Variants in GSX2 observed in about 807,000 individuals in gnomAD.
The protein encoded by GSX2 is GS homeobox 2.
A neutral mutation model predicts 19.2 loss-of-function variants in GSX2; 16 were observed. The ratio of observed to expected loss-of-function variants is 0.84; its 90% CI spans 0.57 to 1.27. The LOEUF is 1.27. Ranked by LOEUF, GSX2 falls within the 50% of genes most tolerant of loss-of-function variation. The probability of loss-of-function intolerance (pLI) is 0.00; values close to 1 mark genes in which losing one functional copy is unlikely to be tolerated. For synonymous variants in GSX2, 217 were observed against 196.4 expected (o/e 1.10, Z -0.88); for missense variants, 448 against 428.4 (o/e 1.05, Z -0.40).
Position 54,100,169 on chromosome 4 carries a change from C to T in GSX2, c.-176C>T. 3.5e-6 allele frequency: 3 copies of T among 849,340 alleles called. No homozygotes were observed. The highest frequency in any genetic ancestry group is 5.3e-6 in the Non-Finnish European group (3 of 565,236). The allele number at this position is 849,340 out of a possible 1,614,324, so 52.6% of individuals were successfully genotyped here. A position where few individuals can be genotyped will look rare whatever the true frequency, so the allele number is the denominator to read the frequency against. On this transcript the variant is annotated 5_prime_UTR_variant, in exon 1 of 2. In the 5' UTR this introduces an upstream ATG that the reference lacks. Transcript: ENST00000326902. Reference sequence around the variant, plus strand: ...CCGAGCCGGGGCGCCGGGCGGGGGACGTGAGGACCAGCCCTCTCCGGGGAC... The same window carrying T: ...CCGAGCCGGGGCGCCGGGCGGGGGATGTGAGGACCAGCCCTCTCCGGGGAC...
At position 54,100,826 on chromosome 4, in the gene GSX2, C is replaced by T; in HGVS notation, c.482C>T (p.Ala161Val). The T allele has an allele frequency of 6.9e-7, 1 of 1,454,062 alleles. No homozygotes were observed. Among genetic ancestry groups the T allele is most frequent in the Non-Finnish European group, 9.0e-7 (1 of 1,113,970 alleles). 90.1% of individuals were successfully genotyped at this position (1,454,062 alleles called of 1,614,324 possible). ...AAAAAAAAAA[A>V]ALGHPQHHAP... is the part of the protein sequence containing the mutation. ...GCAGCAGCGGCGGCGGCGGCCGCGGCGGCCTTGGGGCACCCGCAGCACCAC... is the reference window on the plus strand; with the variant it reads ...GCAGCAGCGGCGGCGGCGGCCGCGGTGGCCTTGGGGCACCCGCAGCACCAC... The change falls in exon 1 of 2, where the codon GCG (alanine) becomes GTG (valine). Residue 161 changes from alanine (A) to valine (V), a missense_variant. Transcript: ENST00000326902.
In GSX2 at chr4:54,100,578, C is replaced by T; in HGVS notation, c.234C>T (p.Ala78=). The T allele has an allele frequency of 6.3e-7, 1 of 1,581,356 alleles. No homozygotes were observed. Among genetic ancestry groups the T allele is most frequent in the Non-Finnish European group, 8.6e-7 (1 of 1,165,638 alleles). Residue 78 remains alanine (A), a synonymous_variant, in exon 1 of 2, where the codon GCC becomes GCT. Transcript: ENST00000326902. ...HLHSSRGSVG[A]GSGGAGAGVT... ...ACTCCTCTCGGGGGTCTGTGGGCGC[C>T]GGCAGCGGGGGCGCAGGGGCCGGGG...
chr4:54,100,777 G>A lies in GSX2; in HGVS notation c.433G>A (p.Gly145Ser). Residue 145 changes from glycine (G) to serine (S), a missense_variant, in exon 1 of 2, where the codon GGC (glycine) becomes AGC (serine). By Grantham distance (56) the Gly-to-Ser change is moderately conservative. Transcript: ENST00000326902. The stretch of plus-strand genomic sequence containing the variant: ...TCACCATCATCAGCCCCAGCAGCCT[G>A]GCTCGGCCGCGGCGGCGGCAGCAGC... ...HHHHHQPQQPGSAAAAAAAAA... is the reference protein window; with the variant it reads ...HHHHHQPQQPSSAAAAAAAAA... The A allele has an allele frequency of 2.7e-6, 4 of 1,479,162 alleles. No homozygotes were observed. The highest frequency in any genetic ancestry group is 3.6e-6 in the Non-Finnish European group (4 of 1,121,750). 91.6% of individuals were successfully genotyped at this position (1,479,162 alleles called of 1,614,324 possible). A position where few individuals can be genotyped will look rare whatever the true frequency, so the allele number is the denominator to read the frequency against.
Position 54,100,567 on chromosome 4 carries a change from T to G in GSX2, c.223T>G (p.Ser75Ala). Reference sequence around the variant, plus strand: ...TTCGCACCTGCACTCCTCTCGGGGGTCTGTGGGCGCCGGCAGCGGGGGCGC... The same window carrying G: ...TTCGCACCTGCACTCCTCTCGGGGGGCTGTGGGCGCCGGCAGCGGGGGCGC... ...VTSHLHSSRGSVGAGSGGAGA... is the reference protein window; with the variant it reads ...VTSHLHSSRGAVGAGSGGAGA... The change falls in exon 1 of 2, where the codon TCT (serine) becomes GCT (alanine). Residue 75 changes from serine to alanine, a missense_variant. Ser to Ala is a moderately conservative substitution (Grantham distance 99). Coordinates refer to ENST00000326902, the MANE Select transcript of GSX2 (RefSeq NM_133267.3). 6.3e-7 allele frequency: 1 copy of G among 1,593,190 alleles called. No homozygotes were observed. Among genetic ancestry groups the G allele is most frequent in the Non-Finnish European group, 8.5e-7 (1 of 1,171,828 alleles).
At chr4:54,101,000 G>C in intron 1 of GSX2, 82 bp downstream of exon 1, 1 of 1,200,938 alleles carries the variant, frequency 8.3e-7, no homozygotes. Context: ...GGAGGAAGTG[G>C]GAGCCCGGGG....
At position 54,100,845 on chromosome 4, in the gene GSX2, G is replaced by C; in HGVS notation, c.501G>C (p.Gln167His). 1 of 1,537,522 alleles carries C rather than the reference G, an allele frequency of 6.5e-7. No individual in the cohort carries two copies. Residue 167 changes from glutamine to histidine, a missense_variant, in exon 1 of 2, where the codon CAG becomes CAC. Physicochemically the swap from Gln to His is conservative, Grantham distance 24. Transcript: ENST00000326902. The stretch of plus-strand genomic sequence containing the variant: ...CCGCGGCGGCCTTGGGGCACCCGCA[G>C]CACCACGCACCTGTCTGCACCGCCA... ...AAAAAALGHP[Q>H]HHAPVCTATT...
chr4:54,100,987 A>G (rs929238744), intron 1 of GSX2, 69 bp downstream of exon 1: 19 of 1,323,678 alleles, frequency 1.4e-5, no homozygotes, highest in Non-Finnish European at 1.9e-5. Flanking sequence ...TTCCACCTCC[A>G]GTGGAGGAAG....
Position 54,102,085 on chromosome 4 carries a change from G to A in GSX2, c.*163G>A, listed in dbSNP as rs1373327839. 7 of 619,644 alleles carry A rather than the reference G, an allele frequency of 1.1e-5. No homozygotes were observed. Among genetic ancestry groups the A allele is most frequent in the Middle Eastern group, 8.7e-4 (2 of 2,306 alleles). The allele number at this position is 619,644 out of a possible 1,614,324, so 38.4% of individuals were successfully genotyped here. ...GACAAGCCGGGACCTGACCCTTCGC[G>A]TCTCCTTCTTGACCTGTTTATCTAG... On this transcript the variant is annotated 3_prime_UTR_variant, in exon 2 of 2. Coordinates refer to ENST00000326902, the MANE Select transcript of GSX2 (RefSeq NM_133267.3).
In GSX2 at chr4:54,100,818, G is replaced by C. The variant is rs1351143517; in HGVS notation, c.474G>C (p.Ala158=). 1.4e-6 allele frequency: 2 copies of C among 1,449,064 alleles called. No homozygotes were observed. The highest frequency in any genetic ancestry group is 3.0e-5 in the African/African-American group (2 of 66,238). The allele number at this position is 1,449,064 out of a possible 1,614,324, so 89.8% of individuals were successfully genotyped here. The change falls in exon 1 of 2, where the codon GCG becomes GCC. Residue 158 remains alanine, a synonymous_variant. Coordinates refer to ENST00000326902, the MANE Select transcript of GSX2 (RefSeq NM_133267.3). ...AAAAAAAAAA[A]AAAALGHPQH... ...CGGCAGCAGCAGCAGCGGCGGCGGC[G>C]GCCGCGGCGGCCTTGGGGCACCCGC...
Position 54,102,079 on chromosome 4 carries a change from C to T in GSX2, c.*157C>T. ...GGAATGGACAAGCCGGGACCTGACC[C>T]TTCGCGTCTCCTTCTTGACCTGTTT... On this transcript the variant is annotated 3_prime_UTR_variant, in exon 2 of 2. Transcript: ENST00000326902. 1.6e-6 allele frequency: 1 copy of T among 629,214 alleles called. No homozygotes were observed. The highest frequency in any genetic ancestry group is 2.7e-6 in the Non-Finnish European group (1 of 363,904). 39.0% of individuals were successfully genotyped at this position (629,214 alleles called of 1,614,324 possible). A position where few individuals can be genotyped will look rare whatever the true frequency, so the allele number is the denominator to read the frequency against.
At position 54,101,543 on chromosome 4, in the gene GSX2, C is replaced by T. The variant is rs746295095; in HGVS notation, c.575-39C>T. The T allele has an allele frequency of 6.1e-6, 9 of 1,469,088 alleles. No individual in the cohort carries two copies. Among genetic ancestry groups the T allele is most frequent in the Non-Finnish European group, 8.5e-6 (9 of 1,063,428 alleles). 91.0% of individuals were successfully genotyped at this position (1,469,088 alleles called of 1,614,324 possible). On this transcript the variant is annotated intron_variant, in intron 1 of 1. Coordinates refer to ENST00000326902, the MANE Select transcript of GSX2 (RefSeq NM_133267.3). This position sits in a 1 kb window ranked among gnomAD's most constrained non-coding sequence, Gnocchi z 5.0. ...GCACATGGGGTGGGAGCACCTTGCC[C>T]GAGCCTTACCTCTCTACCCTCTCTT...
rs1473110784 is a variant in GSX2, at chr4:54,101,105, T to C, written c.574+187T>C. ...GAAGTTAGTTTGCCAGCTTCTCCAC[T>C]CAGCCTGGTGCGTTTTACTCCTAGT... On this transcript the variant is annotated intron_variant, in intron 1 of 1. Transcript: ENST00000326902. This position sits in a 1 kb window ranked among gnomAD's most constrained non-coding sequence, Gnocchi z 5.0. Among the ~76,000 whole-genome samples the C allele has an allele frequency of 6.6e-6, 1 of 152,228 alleles. No homozygotes were observed. The highest frequency in any genetic ancestry group is 1.5e-5 in the Non-Finnish European group (1 of 68,038).
At position 54,100,209 on chromosome 4, in the gene GSX2, C is replaced by T. The variant is rs1412762481; in HGVS notation, c.-136C>T. 4.5e-6 allele frequency: 6 copies of T among 1,346,452 alleles called. No homozygotes were observed. Among genetic ancestry groups the T allele is most frequent in the East Asian group, 2.5e-5 (1 of 39,742 alleles). 83.4% of individuals were successfully genotyped at this position (1,346,452 alleles called of 1,614,324 possible). On this transcript the variant is annotated 5_prime_UTR_variant, in exon 1 of 2. Coordinates refer to ENST00000326902, the MANE Select transcript of GSX2 (RefSeq NM_133267.3). ...TCTCCGGGGACCCCTTTGTTCCCAG[C>T]CCAGACGCCAACACCTCTGCGTCCC... is the stretch of plus-strand genomic sequence containing the variant.
Position 54,100,617 on chromosome 4 carries a change from A to C in GSX2, c.273A>C (p.Gly91=). The change falls in exon 1 of 2, where the codon GGA becomes GGC. Residue 91 remains glycine (G), a synonymous_variant. Coordinates refer to ENST00000326902, the MANE Select transcript of GSX2 (RefSeq NM_133267.3). ...CAGGGGCCGGGGTTACCGGGGCCGG[A>C]GGCAGTGGGGTGGCAGGGGCCGCAG... ...GGAGAGVTGA[G]GSGVAGAAGA... is the part of the protein sequence containing the mutation. 6.4e-7 allele frequency: 1 copy of C among 1,554,026 alleles called. No individual in the cohort carries two copies. Among genetic ancestry groups the C allele is most frequent in the South Asian group, 1.2e-5 (1 of 84,636 alleles).
In GSX2 at chr4:54,100,635, G is replaced by A. The variant is rs1406692376; in HGVS notation, c.291G>A (p.Gly97=). 3.2e-6 allele frequency: 5 copies of A among 1,547,942 alleles called. No individual in the cohort carries two copies. Among genetic ancestry groups the A allele is most frequent in the African/African-American group, 1.4e-5 (1 of 72,798 alleles). The change falls in exon 1 of 2, where the codon GGG becomes GGA. Residue 97 remains glycine, a synonymous_variant. Coordinates refer to ENST00000326902, the MANE Select transcript of GSX2 (RefSeq NM_133267.3). ...VTGAGGSGVA[G]AAGALPLLKG... ...GGGCCGGAGGCAGTGGGGTGGCAGG[G>A]GCCGCAGGGGCACTGCCTCTGCTTA...
At position 54,101,462 on chromosome 4, in the gene GSX2, G is replaced by A; in HGVS notation, c.575-120G>A. On this transcript the variant is annotated intron_variant, in intron 1 of 1. Coordinates refer to ENST00000326902, the MANE Select transcript of GSX2 (RefSeq NM_133267.3). This position sits in a 1 kb window ranked among gnomAD's most constrained non-coding sequence, Gnocchi z 5.0. ...ACCACGTGCCTTGAAATGGGAAAGG[G>A]ATACAGATGTTCGGCTGGGCTTCCC... The A allele has an allele frequency of 1.5e-6, 1 of 647,586 alleles. No individual in the cohort carries two copies. Among genetic ancestry groups the A allele is most frequent in the South Asian group, 1.9e-5 (1 of 52,432 alleles). 40.1% of individuals were successfully genotyped at this position (647,586 alleles called of 1,614,324 possible). A position where few individuals can be genotyped will look rare whatever the true frequency, so the allele number is the denominator to read the frequency against.
Position 54,100,908 on chromosome 4 carries a change from C to T in GSX2, c.564C>T (p.Cys188=). The change falls in exon 1 of 2, where the codon TGC becomes TGT. Residue 188 remains cysteine (C), a synonymous_variant. Transcript: ENST00000326902. The part of the protein sequence containing the change: ...YNVADPRRFH[C]LTMGGSDASQ... The stretch of plus-strand genomic sequence containing the variant: ...TGGCGGACCCGCGGAGATTCCACTG[C>T]CTCACCATGGGTAGGGCGGGGTCTT... 1 of 1,566,454 alleles carries T rather than the reference C, an allele frequency of 6.4e-7. No homozygotes were observed. Among genetic ancestry groups the T allele is most frequent in the African/African-American group, 1.4e-5 (1 of 73,508 alleles).
At position 54,100,215 on chromosome 4, in the gene GSX2, C is replaced by A. The variant is rs1015398494; in HGVS notation, c.-130C>A. 1.9e-5 allele frequency: 26 copies of A among 1,386,176 alleles called. No individual in the cohort carries two copies. The highest frequency in any genetic ancestry group is 2.4e-5 in the Non-Finnish European group (25 of 1,028,402). 85.9% of individuals were successfully genotyped at this position (1,386,176 alleles called of 1,614,324 possible). Reference sequence around the variant, plus strand: ...GGGACCCCTTTGTTCCCAGCCCAGACGCCAACACCTCTGCGTCCCCAAGGG... The same window carrying A: ...GGGACCCCTTTGTTCCCAGCCCAGAAGCCAACACCTCTGCGTCCCCAAGGG... On this transcript the variant is annotated 5_prime_UTR_variant, in exon 1 of 2. Coordinates refer to ENST00000326902, the MANE Select transcript of GSX2 (RefSeq NM_133267.3).
In GSX2 at chr4:54,102,165, A is replaced by C; in HGVS notation, c.*243A>C. On this transcript the variant is annotated 3_prime_UTR_variant, in exon 2 of 2. Transcript: ENST00000326902. ...AAAAAATGTAAATAACCTATAATTC[A>C]ACTCATTCTTGTCGTATAACAGAGG... The C allele has an allele frequency of 2.0e-6, 1 of 506,264 alleles. No homozygotes were observed. Among genetic ancestry groups the C allele is most frequent in the Non-Finnish European group, 3.5e-6 (1 of 287,072 alleles). 31.4% of individuals were successfully genotyped at this position (506,264 alleles called of 1,614,324 possible).
Sources: gnomAD v4.1 joint callset for allele counts (sites outside exome capture counted in the v4.1 genomes callset) on GRCh38, gnomAD v4.1.1 for gene constraint, Gnocchi (gnomAD v3.1) non-coding constraint, MANE v1.5 for transcripts, NCBI Gene and HGNC (gene_info 2026-07-23, HGNC 2026-07-21) for gene names.